NPAS3: variants seen among roughly 807,000 people sequenced by gnomAD.
The protein encoded by NPAS3 is neuronal PAS domain-containing protein 3.
Under a neutral mutation model 73.1 loss-of-function variants are expected in NPAS3, and 14 were observed. The observed-to-expected ratio is 0.19, with a 90% CI of 0.13 to 0.30. The LOEUF is 0.30. NPAS3 is among the 10% of genes least tolerant of loss of function. NPAS3 has a pLI of 1.00. For missense variants in NPAS3, 1,096 were observed against 1,250.0 expected (o/e 0.88, Z 1.86); for synonymous variants, 620 against 541.5 (o/e 1.14, Z -2.01).
rs530000438 is a variant in NPAS3, at chr14:33,388,037, G to A, written c.468+20769G>A. Among the ~76,000 whole-genome samples, 12 of 152,234 alleles carry A rather than the reference G, an allele frequency of 7.9e-5. No individual in the cohort carries two copies. In the South Asian group the frequency reaches 2.5e-3, roughly 32 times the overall value. On this transcript the variant is annotated intron_variant, in intron 4 of 11. Transcript: ENST00000356141. ...GAATGAGAGGAGGTGCCATAGGGGT[G>A]TGACCTTGAGTAGGACCTTCACTGG...
intron 4 of NPAS3, among the ~76,000 whole-genome samples, chr14:33,553,785 A>T (rs2055229768): frequency 6.6e-6 from 1 of 152,176 alleles, no homozygotes; most frequent in Non-Finnish European, 1.5e-5. Flanking sequence ...ACAGTGCTGG[A>T]TTGTTAAAAG....
chr14:33,460,859 C>T (rs1474137605), intron 4 of NPAS3, among the ~76,000 whole-genome samples: 1 of 152,184 alleles, frequency 6.6e-6, no homozygotes, highest in Non-Finnish European at 1.5e-5. Context: ...GAAGTTGAGA[C>T]ACTCAAAATC....
chr14:33,308,314 C>T (rs2042841605), intron 3 of NPAS3, among the ~76,000 whole-genome samples: 1 of 151,898 alleles, frequency 6.6e-6, no homozygotes, highest in Non-Finnish European at 1.5e-5. Context: ...CAAAACCAAA[C>T]ACTTTTTGGT....
intron 3 of NPAS3, among the ~76,000 whole-genome samples, chr14:33,280,247 A>G (rs77799418): frequency 0.027 from 4,096 of 152,276 alleles, 153 homozygotes; most frequent in African/African-American, 0.084. Context: ...CTTTTGGGTG[A>G]CAAATTGTAT....
intron 7 of NPAS3, among the ~76,000 whole-genome samples, chr14:33,756,315 G>A (rs1182791352): frequency 6.6e-6 from 1 of 152,188 alleles, no homozygotes; most frequent in Non-Finnish European, 1.5e-5. Context: ...TGGAATCCCA[G>A]TTGGGTGGAT....
At chr14:33,658,879 G>C (rs187282394) in intron 5 of NPAS3, among the ~76,000 whole-genome samples, 1 of 152,190 alleles carries the variant, frequency 6.6e-6, no homozygotes, top group Admixed American at 6.5e-5. Context: ...CCGTACGTTT[G>C]ATTCTAAATC....
rs143738639 is a variant in NPAS3 at position 33,764,884 on chromosome 14, C to T, written c.853-9453C>T. 9.8e-5 allele frequency among the ~76,000 whole-genome samples: 15 copies of T among 152,304 alleles called. No homozygotes were observed. In the East Asian group the frequency reaches 2.9e-3, roughly 29 times the overall value. ...CTTGCTTTGCCCCTTAACAATTTAT[C>T]GAGGTGTTTCTACCCATGGTCCTGT... On this transcript the variant is annotated intron_variant, in intron 7 of 11. Transcript: ENST00000356141.
chr14:33,391,286 C>A (rs1166228568), intron 4 of NPAS3, among the ~76,000 whole-genome samples: 1 of 150,510 alleles, frequency 6.6e-6, no homozygotes, highest in African/African-American at 2.5e-5. Context: ...CTCTGCCTCG[C>A]AGGTTTAAGC....
intron 5 of NPAS3, among the ~76,000 whole-genome samples, chr14:33,624,425 T>G (rs982487788): frequency 1.3e-5 from 2 of 152,174 alleles, no homozygotes; most frequent in African/African-American, 4.8e-5. Context: ...TCTCTGAAAT[T>G]GACATAAAAT....
chr14:33,080,295 A>G (rs2041824576), intron 2 of NPAS3, among the ~76,000 whole-genome samples: 1 of 151,884 alleles, frequency 6.6e-6, no homozygotes, highest in African/African-American at 2.4e-5. Flanking sequence ...TTTAGTAGAG[A>G]CGGGGTTTCA....
In NPAS3 at chr14:33,390,240, T is replaced by C. The variant is rs141149977; in HGVS notation, c.468+22972T>C. On this transcript the variant is annotated intron_variant, in intron 4 of 11. Coordinates refer to ENST00000356141, the Ensembl canonical transcript of NPAS3. ...ATTTTATAGCAGAAAAGAGAATACT[T>C]TTTTTCAGAACTTTTGGAACCTAGG... is the stretch of plus-strand genomic sequence containing the variant. Among the ~76,000 whole-genome samples, 8 of 152,262 alleles carry C rather than the reference T, an allele frequency of 5.3e-5. No individual in the cohort carries two copies. In the East Asian group the frequency reaches 1.5e-3, roughly 29 times the overall value.
At chr14:33,230,330 T>G (rs988504624) in intron 3 of NPAS3, among the ~76,000 whole-genome samples, 1 of 152,212 alleles carries the variant, frequency 6.6e-6, no homozygotes, top group East Asian at 1.9e-4. Context: ...TGTTTTCAGA[T>G]CTGTCCTCTG....
At chr14:33,726,505 C>G (rs1435006619) in intron 6 of NPAS3, among the ~76,000 whole-genome samples, 16 of 152,128 alleles carry the variant, frequency 1.1e-4, no homozygotes, top group Admixed American at 1.0e-3. Context: ...ATTCCTTCAC[C>G]CAGACGTCCA....
chr14:33,277,265 T>C (rs531972304), intron 3 of NPAS3, among the ~76,000 whole-genome samples: 2 of 152,108 alleles, frequency 1.3e-5, no homozygotes, highest in Non-Finnish European at 2.9e-5. Flanking sequence ...GGAGGATACA[T>C]GGGTGTTGAC....
chr14:33,560,385 T>C (rs59059148), intron 5 of NPAS3, 175 bp downstream of exon 5: 13,835 of 478,666 alleles, frequency 0.029, 1,342 homozygotes, highest in African/African-American at 0.22. Flanking sequence ...GTGTTGAACA[T>C]TCAGAATAAA....
chr14:33,565,082 T>A (rs1467664063), intron 5 of NPAS3, among the ~76,000 whole-genome samples: 3 of 152,194 alleles, frequency 2.0e-5, no homozygotes, highest in African/African-American at 7.2e-5. Context: ...TTGGCTTGAT[T>A]CAAGGCAGCT....
rs186329506 is a variant in NPAS3, at chr14:33,046,456, G to A, written c.51-9449G>A. On this transcript the variant is annotated intron_variant, in intron 1 of 11. Coordinates refer to ENST00000356141, the Ensembl canonical transcript of NPAS3. Reference sequence around the variant, plus strand: ...TGAGTTTAAATCAGGAGAAGTTGGAGGAGGATACTGCAGTGATCCAGAAGA... The same window carrying A: ...TGAGTTTAAATCAGGAGAAGTTGGAAGAGGATACTGCAGTGATCCAGAAGA... Among the ~76,000 whole-genome samples, 18 of 152,258 alleles carry A rather than the reference G, an allele frequency of 1.2e-4. 1 individual carries two copies. The highest frequency in any genetic ancestry group is 1.2e-3 in the Admixed American group (18 of 15,292).
intron 2 of NPAS3, among the ~76,000 whole-genome samples, chr14:33,153,362 G>T (rs1158894505): frequency 1.3e-5 from 2 of 151,972 alleles, no homozygotes; most frequent in Admixed American, 6.6e-5. Flanking sequence ...GAGTGGTCTG[G>T]GTGAACCATG....
rs537690953 is a variant in NPAS3 at position 33,009,705 on chromosome 14, C to A, written c.51-46200C>A. Among the ~76,000 whole-genome samples, 59 of 152,178 alleles carry A rather than the reference C, an allele frequency of 3.9e-4. 1 individual carries two copies. In the South Asian group the frequency reaches 0.012, roughly 31 times the overall value. On this transcript the variant is annotated intron_variant, in intron 1 of 11. Transcript: ENST00000356141. The stretch of plus-strand genomic sequence containing the variant: ...TCTCACTAAGTCCAAGGCCATAGTA[C>A]CACTTTTTCTTCATTATAAAGGTGA...
Sources: gnomAD v4.1 joint callset for allele counts (sites outside exome capture counted in the v4.1 genomes callset) on GRCh38, gnomAD v4.1.1 for gene constraint, MANE v1.5 for transcripts, NCBI Gene and HGNC (gene_info 2026-07-23, HGNC 2026-07-21) for gene names.